Variants in DPPA2 observed in about 807,000 individuals in gnomAD.
The protein encoded by DPPA2 is developmental pluripotency associated 2.
In DPPA2, 26 loss-of-function variants were observed where a neutral mutation model predicts 36.2. The ratio of observed to expected loss-of-function variants is 0.72; its 90% CI spans 0.53 to 1.00. DPPA2 has a LOEUF of 1.00. Among genes scored for constraint, DPPA2 ranks in the 50% least tolerant of loss-of-function variants. The pLI is 0.00. For synonymous variants in DPPA2, 113 were observed against 123.2 expected (o/e 0.92, Z 0.55); for missense variants, 361 against 365.1 (o/e 0.99, Z 0.09).
chr3:109,308,937 G>A, intron 5 of DPPA2, 89 bp downstream of exon 5: 1 of 1,481,126 alleles, frequency 6.8e-7, no homozygotes, highest in Non-Finnish European at 9.4e-7. Flanking sequence ...TGCCTTAGAG[G>A]TACAACACAT....
chr3:109,295,700 ACAAAGGAAGCATCAGAT>A (rs1348822204), intron 8 of DPPA2, among the ~76,000 whole-genome samples: 1 of 152,052 alleles, frequency 6.6e-6, no homozygotes, highest in Non-Finnish European at 1.5e-5. Flanking sequence ...TGATTTGTAG[ACAAAGGAAGCATCAGAT>A]CAAGACTAAG....
At chr3:109,304,934 G>C (rs1418416242) in intron 6 of DPPA2, among the ~76,000 whole-genome samples, 1 of 152,102 alleles carries the variant, frequency 6.6e-6, no homozygotes, top group Non-Finnish European at 1.5e-5. Flanking sequence ...ATCATCTAAG[G>C]TGGGGAGTTT....
chr3:109,307,905 G>T, intron 6 of DPPA2, 127 bp downstream of exon 6: 1 of 1,261,982 alleles, frequency 7.9e-7, no homozygotes, highest in Non-Finnish European at 1.1e-6. Flanking sequence ...GATGTCCCAT[G>T]TGAATCCAAT....
intron 7 of DPPA2, 115 bp downstream of exon 7, chr3:109,304,360 G>C (rs1284289744): frequency 2.7e-6 from 3 of 1,112,178 alleles, no homozygotes; most frequent in Non-Finnish European, 1.2e-6. Context: ...GATCTATGTG[G>C]CAAATTAAGA....
intron 3 of DPPA2, among the ~76,000 whole-genome samples, chr3:109,312,198 G>T (rs1203491342): frequency 6.6e-6 from 1 of 152,144 alleles, no homozygotes; most frequent in Non-Finnish European, 1.5e-5. Context: ...GCCAGGCTTG[G>T]TGGCCCATGC....
intron 1 of DPPA2, 35 bp from the exon 2 acceptor site, chr3:109,314,590 G>A (rs1707760052): frequency 6.3e-7 from 1 of 1,580,048 alleles, no homozygotes; most frequent in Non-Finnish European, 8.6e-7. Flanking sequence ...TTAAGGATAT[G>A]GTAGTTTACT....
chr3:109,314,234 A>G (rs1461084481), intron 2 of DPPA2, among the ~76,000 whole-genome samples: 3 of 151,838 alleles, frequency 2.0e-5, no homozygotes, highest in Non-Finnish European at 4.4e-5. Flanking sequence ...TATCTTGTCC[A>G]GCTATAGCAC....
chr3:109,296,736 T>C (rs1707358208), intron 8 of DPPA2, among the ~76,000 whole-genome samples: 2 of 151,474 alleles, frequency 1.3e-5, no homozygotes, highest in Non-Finnish European at 1.5e-5. Flanking sequence ...GCAAAAGATA[T>C]ATCTGATAGA....
intron 8 of DPPA2, among the ~76,000 whole-genome samples, chr3:109,297,706 CA>C (rs577611970): frequency 2.7e-4 from 41 of 152,254 alleles, no homozygotes; most frequent in African/African-American, 8.9e-4. Context: ...GCTATCAGGC[CA>C]TGACAACACA....
intron 8 of DPPA2, among the ~76,000 whole-genome samples, chr3:109,297,539 A>AG (rs1288968924): frequency 6.6e-6 from 1 of 152,034 alleles, no homozygotes; most frequent in East Asian, 1.9e-4. Flanking sequence ...TCAAAAAAAA[A>AG]AAAAGCACTG....
chr3:109,298,369 C>T (rs1202069637), intron 8 of DPPA2, among the ~76,000 whole-genome samples: 2 of 151,938 alleles, frequency 1.3e-5, no homozygotes, highest in African/African-American at 4.8e-5. Flanking sequence ...ACTGCTGGAG[C>T]CCAGAAGTTT....
At chr3:109,300,548 G>T (rs1198919289) in intron 7 of DPPA2, 113 bp from the exon 8 acceptor site, 1 of 1,049,224 alleles carries the variant, frequency 9.5e-7, no homozygotes, top group Admixed American at 1.8e-5. Flanking sequence ...TGGGCCGGGT[G>T]TGGTGGCTCA....
chr3:109,311,632 A>G (rs971649811), intron 3 of DPPA2, among the ~76,000 whole-genome samples: 2 of 151,800 alleles, frequency 1.3e-5, no homozygotes, highest in Non-Finnish European at 2.9e-5. Context: ...TACAGGTACT[A>G]GGGAGGCTGA....
At chr3:109,304,237 C>T (rs1195740002) in intron 7 of DPPA2, among the ~76,000 whole-genome samples, 1 of 151,328 alleles carries the variant, frequency 6.6e-6, no homozygotes, top group African/African-American at 2.4e-5. Flanking sequence ...CATGCCACTG[C>T]ACTGCAGCCT....
chr3:109,303,471 G>A (rs1707495453), intron 7 of DPPA2, among the ~76,000 whole-genome samples: 1 of 151,532 alleles, frequency 6.6e-6, no homozygotes, highest in Admixed American at 6.6e-5. Context: ...CCCGGGTTCA[G>A]CGATTCTTCT....
At chr3:109,296,031 A>G (rs915045538) in intron 8 of DPPA2, among the ~76,000 whole-genome samples, 1 of 152,232 alleles carries the variant, frequency 6.6e-6, no homozygotes, top group African/African-American at 2.4e-5. Context: ...TTTAAAAAGA[A>G]CTGAATATCC....
intron 8 of DPPA2, among the ~76,000 whole-genome samples, chr3:109,299,284 G>A (rs367738822): frequency 0.011 from 1,652 of 152,162 alleles, 7 homozygotes; most frequent in Non-Finnish European, 0.018. Context: ...AAACCGAAGC[G>A]GGTGGATCCC....
chr3:109,301,969 C>T (rs1707464206), intron 7 of DPPA2, among the ~76,000 whole-genome samples: 1 of 152,186 alleles, frequency 6.6e-6, no homozygotes, highest in African/African-American at 2.4e-5. Context: ...GTGTCCTAAA[C>T]AGCCAGTCCC....
At chr3:109,299,204 CAA>C (rs35767226) in intron 8 of DPPA2, among the ~76,000 whole-genome samples, 39,019 of 131,172 alleles carry the variant, frequency 0.3, 5,159 homozygotes, top group Admixed American at 0.38. Flanking sequence ...CTAAACATAC[CAA>C]AAAAAAAAAA....
Sources: allele counts gnomAD v4.1 joint callset (sites outside exome capture counted in the v4.1 genomes callset), GRCh38; gene constraint gnomAD v4.1.1; transcripts MANE v1.5; gene names NCBI Gene and HGNC (gene_info 2026-07-23, HGNC 2026-07-21).